The following POLR1A variants were observed in gnomAD, a reference collection of about 807,000 sequenced individuals.
The protein encoded by POLR1A is DNA-directed RNA polymerase I subunit RPA1.
In POLR1A, 84 loss-of-function variants were observed where a neutral mutation model predicts 205.3. That is an observed-to-expected ratio of 0.41 (90% confidence interval 0.34 to 0.49). The LOEUF is 0.49. POLR1A is among the 20% of genes least tolerant of loss of function. The pLI is 0.22. For synonymous variants in POLR1A, 799 were observed against 863.7 expected (o/e 0.93, Z 1.31); for missense variants, 1,645 against 2,204.5 (o/e 0.75, Z 5.08).
chr2:86,029,553 G>A (rs1672341501), intron 31 of POLR1A, among the ~76,000 whole-genome samples: 1 of 151,630 alleles, frequency 6.6e-6, no homozygotes, highest in Non-Finnish European at 1.5e-5. Context: ...AGGTGATGCA[G>A]CAATGATTTC....
chr2:86,052,427 G>A (rs1187867562), intron 16 of POLR1A, among the ~76,000 whole-genome samples: 1 of 152,204 alleles, frequency 6.6e-6, no homozygotes, highest in Non-Finnish European at 1.5e-5. Flanking sequence ...GCACGAGGGT[G>A]CCATTCTGCA....
intron 29 of POLR1A, 122 bp downstream of exon 29, chr2:86,032,150 T>G: frequency 1.4e-6 from 1 of 716,902 alleles, no homozygotes; most frequent in Non-Finnish European, 2.5e-6. Context: ...AGGTGCTGCT[T>G]CAGGGTTCCT....
rs775612152 is a variant in POLR1A at position 86,100,106 on chromosome 2, G to A, written c.144C>T (p.Asn48=). ...GGCCCAAAGCTAAATCGTACAGGCC[G>A]TTTGCCGATGGGTTCCCCAGGCTGT... ...YLDSLGNPSA[N]GLYDLALGPA... Residue 48 remains asparagine (N), a synonymous_variant, in exon 2 of 34, where the codon AAC becomes AAT. Transcript: ENST00000263857. 1.5e-5 allele frequency: 24 copies of A among 1,614,174 alleles called. No individual in the cohort carries two copies. The highest frequency in any genetic ancestry group is 3.3e-4 in the Middle Eastern group (2 of 6,062).
Position 86,100,205 on chromosome 2 carries a change from A to G in POLR1A, c.78-33T>C, listed in dbSNP as rs760715455. ...GATAAAAAAGACCAAGAGGAAAGCT[A>G]AAGTTACCAACCTCTCTGATGTTTC... On this transcript the variant is annotated intron_variant, in intron 1 of 33. Transcript: ENST00000263857. The G allele has an allele frequency of 2.5e-5, 38 of 1,509,688 alleles. No homozygotes were observed. In the Admixed American group the frequency reaches 5.2e-4, roughly 21 times the overall value. 93.5% of individuals were successfully genotyped at this position (1,509,688 alleles called of 1,614,324 possible).
At chr2:86,077,586 A>G (rs540177064) in intron 11 of POLR1A, among the ~76,000 whole-genome samples, 1 of 152,276 alleles carries the variant, frequency 6.6e-6, no homozygotes, top group East Asian at 1.9e-4. Flanking sequence ...CCCTGCAGTC[A>G]GCTCCCTGGT....
intron 27 of POLR1A, among the ~76,000 whole-genome samples, chr2:86,037,865 C>T (rs973583228): frequency 9.9e-5 from 15 of 152,248 alleles, no homozygotes; most frequent in Admixed American, 2.0e-4. Flanking sequence ...TGTGGCCCCC[C>T]GGGCCTCCAT....
chr2:86,061,429 G>A (rs888967341), intron 14 of POLR1A, among the ~76,000 whole-genome samples: 1 of 152,132 alleles, frequency 6.6e-6, no homozygotes, highest in African/African-American at 2.4e-5. Flanking sequence ...CCTGGTAGAA[G>A]TGTGTATTAT....
Position 86,088,630 on chromosome 2 carries a change from C to T in POLR1A, c.666G>A (p.Lys222=), listed in dbSNP as rs764251717. The stretch of plus-strand genomic sequence containing the variant: ...CCATGGCTGGAAACGTGATAGTCAA[C>T]TTGCTGTTGTGTTCCTTTCGGACAA... ...RSVVRKEHNS[K]LTITFPAMVH... Residue 222 remains lysine, a synonymous_variant, in exon 6 of 34, where the codon AAG becomes AAA. Transcript: ENST00000263857. The T allele has an allele frequency of 3.7e-6, 6 of 1,613,994 alleles. No individual in the cohort carries two copies. The African/African-American group carries it at 4.0e-5, about 11-fold the overall frequency.
chr2:86,092,270 T>C (rs1241695931), intron 3 of POLR1A, among the ~76,000 whole-genome samples: 1 of 152,212 alleles, frequency 6.6e-6, no homozygotes, highest in African/African-American at 2.4e-5. Flanking sequence ...TAGCTGGGCA[T>C]ATCCTACGGT....
chr2:86,031,459 G>C lies in POLR1A; in HGVS notation c.4449C>G (p.Pro1483=). Residue 1483 remains proline (P), a synonymous_variant, in exon 30 of 34, where the codon CCC becomes CCG. Transcript: ENST00000263857. ...GCTCCTGGCTGTGGGTGGGTTTCCG[G>C]GGCTGCGTCAGGAGGGCGGGAAGGG... ...DPSLPALLTQ[P]RKPTHSQEPQ... 6.2e-7 allele frequency: 1 copy of C among 1,614,216 alleles called. No individual in the cohort carries two copies. Among genetic ancestry groups the C allele is most frequent in the Non-Finnish European group, 8.5e-7 (1 of 1,180,040 alleles).
At chr2:86,081,561 G>T in intron 8 of POLR1A, 40 bp downstream of exon 8, 1 of 1,298,564 alleles carries the variant, frequency 7.7e-7, no homozygotes, top group Non-Finnish European at 1.1e-6. Flanking sequence ...TCCTTAGTAC[G>T]CTTTTTTTCA....
At chr2:86,074,139 T>C (rs959264243) in intron 12 of POLR1A, among the ~76,000 whole-genome samples, 2 of 152,156 alleles carry the variant, frequency 1.3e-5, no homozygotes, top group South Asian at 2.1e-4. Context: ...TGATGAGCAG[T>C]GATGGGCACC....
At chr2:86,049,474 T>C (rs758388959) in intron 16 of POLR1A, among the ~76,000 whole-genome samples, 2 of 152,184 alleles carry the variant, frequency 1.3e-5, no homozygotes, top group Non-Finnish European at 2.9e-5. Flanking sequence ...AGGCTCAAAA[T>C]TGGGCTACTT....
chr2:86,021,478 T>A lies in POLR1A; in HGVS notation c.*5945A>T, dbSNP rs1195057219. ...TTTCAGTTTCCCTCCCTTCTGGCTG[T>A]TGAACACCCAAGTACCTCCCCACTG... On this transcript the variant is annotated 3_prime_UTR_variant, in exon 34 of 34. Coordinates refer to ENST00000263857, the MANE Select transcript of POLR1A (RefSeq NM_015425.6). The A allele has an allele frequency of 6.6e-6, 1 of 152,386 alleles. No individual in the cohort carries two copies. The allele number at this position is 152,386 out of a possible 1,614,324, so 9.4% of individuals were successfully genotyped here.
intron 14 of POLR1A, among the ~76,000 whole-genome samples, chr2:86,056,534 T>C (rs189906920): frequency 6.6e-5 from 10 of 151,192 alleles, no homozygotes; most frequent in Middle Eastern, 3.5e-3. Flanking sequence ...CACTAAACAA[T>C]AGATTTGCAA....
intron 30 of POLR1A, among the ~76,000 whole-genome samples, chr2:86,030,938 G>T (rs1672374872): frequency 1.3e-5 from 2 of 152,222 alleles, no homozygotes; most frequent in South Asian, 4.1e-4. Context: ...TACAACACGT[G>T]TGGTCCATGG....
intron 30 of POLR1A, 128 bp from the exon 31 acceptor site, chr2:86,030,524 G>C: frequency 1.5e-6 from 1 of 666,052 alleles, no homozygotes; most frequent in Non-Finnish European, 2.7e-6. Flanking sequence ...TGCTGGGCAA[G>C]CCAGCAGGTA....
chr2:86,087,381 A>T (rs1045391981), intron 6 of POLR1A, among the ~76,000 whole-genome samples: 1 of 152,230 alleles, frequency 6.6e-6, no homozygotes, highest in African/African-American at 2.4e-5. Flanking sequence ...AAGGTTTAGT[A>T]ACAGTATCTG....
rs1438361802 is a variant in POLR1A, at chr2:86,022,656, A to G, written c.*4767T>C. 11 of 152,110 alleles carry G rather than the reference A, an allele frequency of 7.2e-5. No homozygotes were observed. The highest frequency in any genetic ancestry group is 7.2e-4 in the Admixed American group (11 of 15,258). 9.4% of individuals were successfully genotyped at this position (152,110 alleles called of 1,614,324 possible). On this transcript the variant is annotated 3_prime_UTR_variant, in exon 34 of 34. Transcript: ENST00000263857. ...CGAGCTGGAGTGCAGTGGTGCGATC[A>G]CAGCTCATTGCAGCCTTGAACTCCT...
Sources: allele counts gnomAD v4.1 joint callset (sites outside exome capture counted in the v4.1 genomes callset), GRCh38; gene constraint gnomAD v4.1.1; transcripts MANE v1.5; gene names NCBI Gene and HGNC (gene_info 2026-07-23, HGNC 2026-07-21).